The following GALNT17 variants were observed in gnomAD, a reference collection of about 807,000 sequenced individuals.
GALNT17 encodes the protein polypeptide N-acetylgalactosaminyltransferase 17, also known as UDP-GalNAc:polypeptide N-acetylgalactosaminyltransferase-like 3.
Under a neutral mutation model 63.7 loss-of-function variants are expected in GALNT17, and 29 were observed. The observed-to-expected ratio is 0.46, with a 90% CI of 0.34 to 0.62. GALNT17 has a LOEUF of 0.62. Among genes scored for constraint, GALNT17 ranks in the 20% least tolerant of loss-of-function variants. The pLI, the probability that GALNT17 is intolerant of heterozygous loss-of-function variation, is 0.01. For synonymous variants in GALNT17, 305 were observed against 318.3 expected (o/e 0.96, Z 0.45); for missense variants, 603 against 799.6 (o/e 0.75, Z 2.97).
chr7:71,153,214 GA>G (rs1386965595), intron 1 of GALNT17, among the ~76,000 whole-genome samples: 10 of 152,120 alleles, frequency 6.6e-5, no homozygotes, highest in Non-Finnish European at 2.9e-5. Context: ...TAACATCAAT[GA>G]GCCTCAGTTT....
At chr7:71,523,741 CAAAA>C (rs1274624176) in intron 5 of GALNT17, among the ~76,000 whole-genome samples, 3 of 92,624 alleles carry the variant, frequency 3.2e-5, no homozygotes, top group African/African-American at 1.2e-4. Context: ...GACCCTGTCT[CAAAA>C]AATAAATAAA....
intron 2 of GALNT17, among the ~76,000 whole-genome samples, chr7:71,370,787 G>C (rs1024894947): frequency 6.6e-6 from 1 of 151,634 alleles, no homozygotes; most frequent in Non-Finnish European, 1.5e-5. Context: ...TTTATTTTTT[G>C]TAGAGATGGG....
chr7:71,422,889 T>C (rs1162407068), intron 5 of GALNT17, among the ~76,000 whole-genome samples: 3 of 152,084 alleles, frequency 2.0e-5, no homozygotes, highest in Non-Finnish European at 4.4e-5. Flanking sequence ...CTCAATGAGA[T>C]GGATGGGGAG....
intron 5 of GALNT17, among the ~76,000 whole-genome samples, chr7:71,512,148 G>A (rs1417126055): frequency 1.3e-5 from 2 of 151,796 alleles, no homozygotes; most frequent in East Asian, 3.9e-4. Flanking sequence ...GACTACAGGT[G>A]TGTGCCACCA....
intron 3 of GALNT17, among the ~76,000 whole-genome samples, chr7:71,399,616 G>A (rs1472457481): frequency 2.6e-5 from 4 of 151,964 alleles, no homozygotes; most frequent in Non-Finnish European, 5.9e-5. Flanking sequence ...TGTGAATTTT[G>A]ACTAGTGGTC....
intron 1 of GALNT17, among the ~76,000 whole-genome samples, chr7:71,262,198 A>C (rs191762176): frequency 6.6e-6 from 1 of 151,846 alleles, no homozygotes; most frequent in Non-Finnish European, 1.5e-5. Context: ...TGCAGCTTCA[A>C]ACTCCTGGGC....
intron 5 of GALNT17, among the ~76,000 whole-genome samples, chr7:71,454,161 G>T (rs892287111): frequency 1.3e-5 from 2 of 152,136 alleles, no homozygotes; most frequent in Non-Finnish European, 2.9e-5. Flanking sequence ...GTAAACATGT[G>T]CCATGGTGGT....
At chr7:71,547,213 G>A (rs1047726721) in intron 5 of GALNT17, among the ~76,000 whole-genome samples, 3 of 151,880 alleles carry the variant, frequency 2.0e-5, no homozygotes, top group Non-Finnish European at 4.4e-5. Flanking sequence ...CACCCAGGCT[G>A]GAGTGCAGTG....
rs1244058029 is a variant in GALNT17 at position 71,670,126 on chromosome 7, A to G, written c.1404+17A>G. On this transcript the variant is annotated intron_variant, in intron 8 of 10. Coordinates refer to ENST00000333538, the MANE Select transcript of GALNT17 (RefSeq NM_022479.3). ...TACGGGGAGGTAATTCAGACCGTGCATGCTTTTGGCTTGGAATGCTGTTCA... is the reference window on the plus strand; with the variant it reads ...TACGGGGAGGTAATTCAGACCGTGCGTGCTTTTGGCTTGGAATGCTGTTCA... 1.2e-6 allele frequency: 2 copies of G among 1,613,956 alleles called. No homozygotes were observed. Among genetic ancestry groups the G allele is most frequent in the Non-Finnish European group, 1.7e-6 (2 of 1,179,902 alleles).
intron 1 of GALNT17, among the ~76,000 whole-genome samples, chr7:71,150,135 G>A (rs1308115734): frequency 1.3e-5 from 2 of 152,118 alleles, no homozygotes; most frequent in Non-Finnish European, 2.9e-5. Flanking sequence ...TCACCATCCT[G>A]ATCTGTGCCA....
At chr7:71,461,824 C>G (rs1377023055) in intron 5 of GALNT17, among the ~76,000 whole-genome samples, 10 of 152,308 alleles carry the variant, frequency 6.6e-5, no homozygotes, top group Admixed American at 5.2e-4. Flanking sequence ...GTCGGCTCAT[C>G]TTGGCGCTCT....
At chr7:71,704,618 C>T (rs530432733) in intron 9 of GALNT17, among the ~76,000 whole-genome samples, 21 of 151,844 alleles carry the variant, frequency 1.4e-4, no homozygotes, top group Non-Finnish European at 2.8e-4. Context: ...AGTTCTAAGA[C>T]TTGCTACAAA....
intron 1 of GALNT17, among the ~76,000 whole-genome samples, chr7:71,267,798 A>G (rs1375822592): frequency 6.6e-6 from 1 of 152,090 alleles, no homozygotes; most frequent in Non-Finnish European, 1.5e-5. Context: ...CCCATCACCT[A>G]GGTATTCAGC....
intron 5 of GALNT17, among the ~76,000 whole-genome samples, chr7:71,467,116 A>G (rs960087049): frequency 6.6e-6 from 1 of 152,138 alleles, no homozygotes; most frequent in African/African-American, 2.4e-5. Flanking sequence ...AGCTTCTTTT[A>G]TCTCAAGGTT....
intron 6 of GALNT17, among the ~76,000 whole-genome samples, chr7:71,604,984 A>G (rs186751838): frequency 2.4e-3 from 363 of 152,276 alleles, no homozygotes; most frequent in African/African-American, 7.6e-3. Flanking sequence ...AGCTACACTT[A>G]AAGCCTGAAA....
chr7:71,658,828 C>T (rs1011078349), intron 6 of GALNT17, among the ~76,000 whole-genome samples: 5 of 151,876 alleles, frequency 3.3e-5, no homozygotes, highest in African/African-American at 9.7e-5. Flanking sequence ...GCGGAGGTTG[C>T]GGTGAGCCAA....
chr7:71,132,577 A>G lies in GALNT17; in HGVS notation c.-226A>G. 1.9e-6 allele frequency: 1 copy of G among 533,502 alleles called. No individual in the cohort carries two copies. The highest frequency in any genetic ancestry group is 3.3e-6 in the Non-Finnish European group (1 of 303,172). 33.0% of individuals were successfully genotyped at this position (533,502 alleles called of 1,614,324 possible). On this transcript the variant is annotated 5_prime_UTR_variant, in exon 1 of 11. Transcript: ENST00000333538. The stretch of plus-strand genomic sequence containing the variant: ...GGACTGAGCAGGCGTCTCGGGGAGC[A>G]CTTCTGCAGAGCGAGGACTTCCATG...
chr7:71,509,476 A>C (rs1480602040), intron 5 of GALNT17, among the ~76,000 whole-genome samples: 1 of 152,152 alleles, frequency 6.6e-6, no homozygotes, highest in African/African-American at 2.4e-5. Context: ...GGTATTTATA[A>C]TTTGCTATCT....
chr7:71,248,266 G>A (rs188087317), intron 1 of GALNT17, among the ~76,000 whole-genome samples: 1 of 152,292 alleles, frequency 6.6e-6, no homozygotes, highest in Non-Finnish European at 1.5e-5. Context: ...GAACAGCATA[G>A]AGGAAACTCC....
Sources: allele counts gnomAD v4.1 joint callset (sites outside exome capture counted in the v4.1 genomes callset), GRCh38; gene constraint gnomAD v4.1.1; transcripts MANE v1.5; gene names NCBI Gene and HGNC (gene_info 2026-07-23, HGNC 2026-07-21).